EXOC6B: variants seen among roughly 807,000 people sequenced by gnomAD.
EXOC6B encodes exocyst complex component 6B.
Under a neutral mutation model 113.5 loss-of-function variants are expected in EXOC6B, and 54 were observed. The observed-to-expected ratio is 0.48, with a 90% confidence interval of 0.38 to 0.60. The LOEUF (loss-of-function observed/expected upper bound fraction) is 0.60, where lower values mean the gene tolerates loss of function less well. EXOC6B is among the 20% of genes least tolerant of loss of function. The probability of loss-of-function intolerance (pLI) is 0.00; values close to 1 mark genes in which losing one functional copy is unlikely to be tolerated. For missense variants in EXOC6B, 797 were observed against 977.5 expected, an observed-to-expected ratio of 0.82 and a Z score of 2.46; for synonymous variants, 357 against 339.0, an observed-to-expected ratio of 1.05 and a Z score of -0.58.
chr2:72,724,250 T>G (rs1680174084), intron 5 of EXOC6B, among the ~76,000 whole-genome samples: 2 of 152,024 alleles, frequency 1.3e-5, no homozygotes, highest in African/African-American at 2.4e-5. Flanking sequence ...GATGAACACT[T>G]CCACAATCTC....
intron 20 of EXOC6B, among the ~76,000 whole-genome samples, chr2:72,309,266 A>G (rs1199131999): frequency 6.6e-6 from 1 of 152,174 alleles, no homozygotes; most frequent in East Asian, 1.9e-4. Context: ...TTTGGCTACT[A>G]TAGGGGATTA....
intron 2 of EXOC6B, 111 bp from the exon 3 acceptor site, chr2:72,733,229 G>A: frequency 1.3e-6 from 1 of 762,958 alleles, no homozygotes; most frequent in Non-Finnish European, 2.2e-6. Context: ...AATATTTTCA[G>A]TACTCCACTA....
chr2:72,380,891 G>A (rs1050582354), intron 18 of EXOC6B, among the ~76,000 whole-genome samples: 1 of 152,016 alleles, frequency 6.6e-6, no homozygotes, highest in Non-Finnish European at 1.5e-5. Context: ...TCAAAATACA[G>A]GATGATGTTT....
chr2:72,657,227 T>C (rs1423559298), intron 6 of EXOC6B, among the ~76,000 whole-genome samples: 2 of 142,344 alleles, frequency 1.4e-5, no homozygotes, highest in Non-Finnish European at 3.0e-5. Context: ...ACAACTGTCT[T>C]TTTTTTTTTT....
intron 18 of EXOC6B, among the ~76,000 whole-genome samples, chr2:72,459,994 G>A (rs1697517472): frequency 6.6e-6 from 1 of 152,074 alleles, no homozygotes; most frequent in African/African-American, 2.4e-5. Flanking sequence ...CATGGTACTG[G>A]TACCAAAACA....
intron 6 of EXOC6B, among the ~76,000 whole-genome samples, chr2:72,595,090 C>A (rs1669989962): frequency 6.6e-6 from 1 of 151,938 alleles, no homozygotes; most frequent in African/African-American, 2.4e-5. Context: ...GAAACCTCAT[C>A]TCTACTAAAA....
intron 1 of EXOC6B, among the ~76,000 whole-genome samples, chr2:72,756,769 C>T (rs1007733298): frequency 6.6e-6 from 1 of 151,842 alleles, no homozygotes; most frequent in African/African-American, 2.4e-5. Context: ...GAAGCATTTA[C>T]CTTTCCCAGG....
intron 5 of EXOC6B, chr2:72,721,773 G>A (rs1161344198): frequency 6.6e-6 from 1 of 151,950 alleles, no homozygotes; most frequent in Non-Finnish European, 1.5e-5. Flanking sequence ...TTACAATATT[G>A]TTGAATGAAA....
At chr2:72,303,930 G>T (rs983208029) in intron 20 of EXOC6B, among the ~76,000 whole-genome samples, 1 of 152,148 alleles carries the variant, frequency 6.6e-6, no homozygotes, top group Non-Finnish European at 1.5e-5. Context: ...TGAGGACCAG[G>T]ACCTATGTGG....
At chr2:72,406,138 A>G (rs1693739260) in intron 18 of EXOC6B, among the ~76,000 whole-genome samples, 4 of 152,236 alleles carry the variant, frequency 2.6e-5, no homozygotes, top group Admixed American at 2.0e-4. Context: ...GGATCAATTC[A>G]ACAAGAAGAG....
chr2:72,465,304 G>C lies in EXOC6B; in HGVS notation c.1836C>G (p.Thr612=). The C allele has an allele frequency of 6.2e-7, 1 of 1,604,346 alleles. No homozygotes were observed. The highest frequency in any genetic ancestry group is 1.7e-4 in the Middle Eastern group (1 of 6,050). ...ACTGGTCAATCTTCTGGTTTAAGTT[G>C]GTATAAATCTCTTCTTCAGCTGCAT... ...ARHAAEEEIY[T]NLNQKIDQFL... The change falls in exon 18 of 22, where the codon ACC becomes ACG. Residue 612 remains threonine, a synonymous_variant. Transcript: ENST00000272427.
chr2:72,700,237 AACACACACACACAC>A lies in EXOC6B; in HGVS notation c.669+17852_669+17865del, dbSNP rs3034948. 1.9e-3 allele frequency among the ~76,000 whole-genome samples: 276 copies of A among 142,416 alleles called. 1 individual carries two copies. The highest frequency in any genetic ancestry group is 7.2e-3 in the African/African-American group (267 of 37,294). The allele number at this position is 142,416 out of a possible 152,430, so 93.4% of individuals were successfully genotyped here. On this transcript the variant is annotated intron_variant, in intron 6 of 21. Coordinates refer to ENST00000272427, the MANE Select transcript of EXOC6B (RefSeq NM_015189.3). ...TCCTGTTAGATACAAAGACCACAGA[AACACACACACACAC>A]ACACACACACACACACACACAAAGT...
intron 19 of EXOC6B, among the ~76,000 whole-genome samples, chr2:72,372,717 C>T (rs1475892783): frequency 3.3e-5 from 5 of 151,952 alleles, no homozygotes; most frequent in Admixed American, 1.3e-4. Context: ...TGGTGGCACA[C>T]ACCTGTAGTC....
chr2:72,201,976 C>T (rs1005076392), intron 20 of EXOC6B, among the ~76,000 whole-genome samples: 2 of 152,146 alleles, frequency 1.3e-5, no homozygotes, highest in Non-Finnish European at 2.9e-5. Flanking sequence ...TGTGGGAAAG[C>T]TTGGTATCAT....
At chr2:72,531,021 T>C (rs1208982388) in intron 8 of EXOC6B, among the ~76,000 whole-genome samples, 1 of 152,136 alleles carries the variant, frequency 6.6e-6, no homozygotes, top group Non-Finnish European at 1.5e-5. Flanking sequence ...TTTATCAATA[T>C]CTGCCTTTTT....
At position 72,287,409 on chromosome 2, in the gene EXOC6B, C is replaced by T. The variant is rs531012841; in HGVS notation, c.2196+47538G>A. Among the ~76,000 whole-genome samples, 31 of 144,130 alleles carry T rather than the reference C, an allele frequency of 2.2e-4. No homozygotes were observed. In the South Asian group the frequency reaches 4.6e-3, roughly 21 times the overall value. 94.6% of individuals were successfully genotyped at this position (144,130 alleles called of 152,430 possible). ...TCACGCCACTGCACTCCAGCCTGGCCGACAGAGTGAGACTTCATCTCAAAA... is the reference window on the plus strand; with the variant it reads ...TCACGCCACTGCACTCCAGCCTGGCTGACAGAGTGAGACTTCATCTCAAAA... On this transcript the variant is annotated intron_variant, in intron 20 of 21. Coordinates refer to ENST00000272427, the MANE Select transcript of EXOC6B (RefSeq NM_015189.3).
At chr2:72,453,693 T>C (rs1697040416) in intron 18 of EXOC6B, among the ~76,000 whole-genome samples, 1 of 152,220 alleles carries the variant, frequency 6.6e-6, no homozygotes, top group African/African-American at 2.4e-5. Context: ...AGGTTTTTAA[T>C]TATTTGCTGA....
At chr2:72,753,895 C>T (rs1035465215) in intron 1 of EXOC6B, among the ~76,000 whole-genome samples, 24 of 152,264 alleles carry the variant, frequency 1.6e-4, no homozygotes, top group Admixed American at 1.0e-3. Flanking sequence ...CTTAATACAA[C>T]TACTATAACC....
intron 8 of EXOC6B, among the ~76,000 whole-genome samples, chr2:72,520,882 G>T (rs1461399817): frequency 6.6e-6 from 1 of 152,036 alleles, no homozygotes; most frequent in African/African-American, 2.4e-5. Context: ...ATATTCTCCA[G>T]CACAGGATGA....
Sources: gnomAD v4.1 joint callset for allele counts (sites outside exome capture counted in the v4.1 genomes callset) on GRCh38, gnomAD v4.1.1 for gene constraint, MANE v1.5 for transcripts, NCBI Gene and HGNC (gene_info 2026-07-23, HGNC 2026-07-21) for gene names.